Variants in FARP1 observed in about 807,000 individuals in gnomAD.
FARP1 encodes FERM, ARH/RhoGEF and pleckstrin domain protein 1, also known as FERM, ARHGEF and pleckstrin domain-containing protein 1.
FARP1 carries 52 observed loss-of-function variants against 128.8 expected under a neutral mutation model. The ratio of observed to expected loss-of-function variants is 0.40; its 90% CI spans 0.32 to 0.51. FARP1 has a LOEUF of 0.51. Ranked by LOEUF, FARP1 falls within the 20% of genes least tolerant of loss-of-function variation. FARP1 has a pLI of 0.45. For missense variants in FARP1, 1,333 were observed against 1,367.9 expected (o/e 0.97, Z 0.40); for synonymous variants, 580 against 551.8 (o/e 1.05, Z -0.72).
At chr13:98,202,279 A>G (rs1287096836) in intron 1 of FARP1, among the ~76,000 whole-genome samples, 1 of 152,136 alleles carries the variant, frequency 6.6e-6, no homozygotes, top group Non-Finnish European at 1.5e-5. Context: ...GATTGATCAC[A>G]CGCCCTTTGC....
At chr13:98,177,827 A>G (rs894965899) in intron 1 of FARP1, 3 of 152,180 alleles carry the variant, frequency 2.0e-5, no homozygotes, top group Admixed American at 2.0e-4. Flanking sequence ...ATTCCAGGCC[A>G]TAGCGAACCG....
At position 98,431,331 on chromosome 13, in the gene FARP1, G is replaced by A. The variant is rs1409984153; in HGVS notation, c.2143+51G>A. Reference sequence around the variant, plus strand: ...TGGTGCCCATGCCACAGTTCAGGCCGGGTGCTCCCAGACTGAGCCCAGCCA... The same window carrying A: ...TGGTGCCCATGCCACAGTTCAGGCCAGGTGCTCCCAGACTGAGCCCAGCCA... On this transcript the variant is annotated intron_variant, in intron 18 of 26. Transcript: ENST00000319562. 7.4e-7 allele frequency: 1 copy of A among 1,347,142 alleles called. No individual in the cohort carries two copies. Among genetic ancestry groups the A allele is most frequent in the Admixed American group, 2.0e-5 (1 of 49,048 alleles). The allele number at this position is 1,347,142 out of a possible 1,614,324, so 83.4% of individuals were successfully genotyped here. A position where few individuals can be genotyped will look rare whatever the true frequency, so the allele number is the denominator to read the frequency against.
At chr13:98,251,066 T>C (rs1883299219) in intron 2 of FARP1, among the ~76,000 whole-genome samples, 1 of 152,266 alleles carries the variant, frequency 6.6e-6, no homozygotes, top group East Asian at 1.9e-4. Context: ...AATATGTTTA[T>C]TCTTAGAAAA....
intron 5 of FARP1, among the ~76,000 whole-genome samples, chr13:98,371,978 T>C (rs1889350340): frequency 6.6e-6 from 1 of 152,102 alleles, no homozygotes. Context: ...TGCCATCCTA[T>C]TGACAGCAGC....
At chr13:98,395,952 C>G in intron 13 of FARP1, 1 of 399,372 alleles carries the variant, frequency 2.5e-6, no homozygotes, top group Non-Finnish European at 4.4e-6. Flanking sequence ...ATGGACATGA[C>G]CATAGAGAGG....
intron 2 of FARP1, among the ~76,000 whole-genome samples, chr13:98,259,153 G>A (rs1030584395): frequency 1.3e-5 from 2 of 152,182 alleles, no homozygotes; most frequent in African/African-American, 4.8e-5. Flanking sequence ...CGAGGCTGCA[G>A]TGATCCATGG....
chr13:98,310,676 TGGTGGTGGTG>T (rs1489361154), intron 2 of FARP1, among the ~76,000 whole-genome samples: 11 of 152,126 alleles, frequency 7.2e-5, no homozygotes, highest in South Asian at 2.1e-4. Flanking sequence ...GTTGTGTGAC[TGGTGGTGGTG>T]GGTGGTGGTG....
intron 1 of FARP1, among the ~76,000 whole-genome samples, chr13:98,158,339 A>G (rs1876636222): frequency 6.6e-6 from 1 of 152,238 alleles, no homozygotes; most frequent in African/African-American, 2.4e-5. Flanking sequence ...GCTACAGAAC[A>G]TGCATTGCAA....
intron 2 of FARP1, among the ~76,000 whole-genome samples, chr13:98,271,284 C>T (rs1404006210): frequency 6.6e-6 from 1 of 152,134 alleles, no homozygotes; most frequent in Non-Finnish European, 1.5e-5. Flanking sequence ...AACCAGCACA[C>T]GGTGACGACT....
At position 98,176,092 on chromosome 13, in the gene FARP1, A is replaced by G; in HGVS notation, c.-24+32600A>G. 1 of 1,329,554 alleles carries G rather than the reference A, an allele frequency of 7.5e-7. No individual in the cohort carries two copies. Among genetic ancestry groups the G allele is most frequent in the Non-Finnish European group, 1.1e-6 (1 of 932,700 alleles). 82.4% of individuals were successfully genotyped at this position (1,329,554 alleles called of 1,614,324 possible). A position where few individuals can be genotyped will look rare whatever the true frequency, so the allele number is the denominator to read the frequency against. On this transcript the variant is annotated intron_variant, in intron 1 of 26. Transcript: ENST00000319562. This position sits in a 1 kb window ranked among gnomAD's most constrained non-coding sequence, Gnocchi z 6.2. ...ACATACTCAGGCATGGGATTGCAGG[A>G]AGACTGTCATCTCTCTCATCTTACT...
chr13:98,382,713 G>A (rs916843424), intron 6 of FARP1, among the ~76,000 whole-genome samples: 1 of 152,112 alleles, frequency 6.6e-6, no homozygotes, highest in African/African-American at 2.4e-5. Flanking sequence ...GAGGTCAAAC[G>A]AGGCAAAGCT....
At chr13:98,418,542 G>A (rs561671358) in intron 16 of FARP1, among the ~76,000 whole-genome samples, 11 of 152,280 alleles carry the variant, frequency 7.2e-5, no homozygotes, top group African/African-American at 2.6e-4. Flanking sequence ...CCCAGTGTTG[G>A]GATTACAGGC....
chr13:98,376,069 T>C (rs1486004243), intron 5 of FARP1, among the ~76,000 whole-genome samples: 2 of 152,320 alleles, frequency 1.3e-5, no homozygotes, highest in East Asian at 1.9e-4. Context: ...AGGTTCGGTT[T>C]GGTTTTGTCT....
chr13:98,172,934 A>G (rs750531036), intron 1 of FARP1, among the ~76,000 whole-genome samples: 14 of 152,328 alleles, frequency 9.2e-5, no homozygotes, highest in African/African-American at 1.7e-4. Context: ...AGGCAGACCA[A>G]TGAAATGTGC....
rs1423375489 is a variant in FARP1 at position 98,454,307 on chromosome 13, G to A, written c.*5990G>A. 7 of 152,196 alleles carry A rather than the reference G, an allele frequency of 4.6e-5. No homozygotes were observed. Among genetic ancestry groups the A allele is most frequent in the Non-Finnish European group, 1.0e-4 (7 of 68,042 alleles). 9.4% of individuals were successfully genotyped at this position (152,196 alleles called of 1,614,324 possible). A position where few individuals can be genotyped will look rare whatever the true frequency, so the allele number is the denominator to read the frequency against. On this transcript the variant is annotated 3_prime_UTR_variant, in exon 27 of 27. Transcript: ENST00000319562. Reference sequence around the variant, plus strand: ...GTCTTCAGAAGACAACAAAGGGTGAGAACGGGGTCCCCTCATGACCACAAT... The same window carrying A: ...GTCTTCAGAAGACAACAAAGGGTGAAAACGGGGTCCCCTCATGACCACAAT...
intron 17 of FARP1, chr13:98,425,362 A>G (rs1007793487): frequency 7.3e-6 from 1 of 137,010 alleles, no homozygotes; most frequent in African/African-American, 2.8e-5. Flanking sequence ...TACGAGGCAA[A>G]TATAGTTTTT....
At chr13:98,143,561 G>C (rs1239023206) in intron 1 of FARP1, 69 bp downstream of exon 1, 1 of 150,278 alleles carries the variant, frequency 6.7e-6, no homozygotes, top group Non-Finnish European at 1.5e-5. Context: ...GGCCGCGGGC[G>C]GCAACTTGTG....
intron 10 of FARP1, 97 bp downstream of exon 10, chr13:98,390,217 G>C: frequency 1.5e-6 from 2 of 1,330,256 alleles, no homozygotes; most frequent in East Asian, 2.3e-5. Context: ...GGAGGTGAAC[G>C]CTCATTGGCC....
chr13:98,186,808 G>A (rs531327534), intron 1 of FARP1, among the ~76,000 whole-genome samples: 4 of 151,620 alleles, frequency 2.6e-5, no homozygotes, highest in South Asian at 2.1e-4. Context: ...CCTGGCCAAC[G>A]TGGTGAAACT....
Sources: gnomAD v4.1 joint callset for allele counts (sites outside exome capture counted in the v4.1 genomes callset) on GRCh38, gnomAD v4.1.1 for gene constraint, Gnocchi (gnomAD v3.1) non-coding constraint, MANE v1.5 for transcripts, NCBI Gene and HGNC (gene_info 2026-07-23, HGNC 2026-07-21) for gene names.